Variants in CSMD1 observed in about 807,000 individuals in gnomAD.
CSMD1 encodes the protein CUB and sushi domain-containing protein 1.
A neutral mutation model predicts 417.5 loss-of-function variants in CSMD1; 213 were observed. The observed-to-expected ratio is 0.51, with a 90% CI of 0.46 to 0.57. CSMD1 has a LOEUF of 0.57. Ranked by LOEUF, CSMD1 falls within the 20% of genes least tolerant of loss-of-function variation. The pLI, the probability that CSMD1 is intolerant of heterozygous loss-of-function variation, is 0.00. For synonymous variants in CSMD1, 2,862 were observed against 1,736.8 expected (o/e 1.65, Z -16.11); for missense variants, 6,923 against 4,529.7 (o/e 1.53, Z -15.17).
intron 50 of CSMD1, among the ~76,000 whole-genome samples, chr8:3,047,727 T>A (rs902364956): frequency 6.6e-6 from 1 of 152,226 alleles, no homozygotes; most frequent in African/African-American, 2.4e-5. Flanking sequence ...GCTCTTTATT[T>A]CAGGGTTATG....
intron 3 of CSMD1, among the ~76,000 whole-genome samples, chr8:4,361,810 C>G (rs982052233): frequency 2.0e-5 from 3 of 151,986 alleles, no homozygotes; most frequent in African/African-American, 7.3e-5. Context: ...AAAAAACTAG[C>G]CAGGCGTGGT....
chr8:4,257,573 T>G (rs1188837294), intron 3 of CSMD1, among the ~76,000 whole-genome samples: 1 of 152,214 alleles, frequency 6.6e-6, no homozygotes, highest in South Asian at 2.1e-4. Flanking sequence ...AAATAGAGAT[T>G]TATAAAATTC....
In CSMD1 at chr8:3,074,363, C is replaced by T. The variant is rs139556053; in HGVS notation, c.7474+12734G>A. Among the ~76,000 whole-genome samples, 21 of 152,310 alleles carry T rather than the reference C, an allele frequency of 1.4e-4. No homozygotes were observed. In the East Asian group the frequency reaches 2.7e-3, roughly 20 times the overall value. On this transcript the variant is annotated intron_variant, in intron 49 of 69. Transcript: ENST00000635120. The stretch of plus-strand genomic sequence containing the variant: ...AAGTGTGTCTGTGCCAACAACATAA[C>T]GCAATCACGGGAGGAGGGTCCACCG...
intron 5 of CSMD1, among the ~76,000 whole-genome samples, chr8:3,821,029 G>A (rs377009278): frequency 2.9e-4 from 44 of 152,088 alleles, no homozygotes; most frequent in South Asian, 2.1e-3. Flanking sequence ...CGATTCTCCC[G>A]CCTCAGCCTC....
At chr8:3,319,695 T>G (rs1428017429) in intron 23 of CSMD1, among the ~76,000 whole-genome samples, 1 of 152,164 alleles carries the variant, frequency 6.6e-6, no homozygotes, top group Non-Finnish European at 1.5e-5. Flanking sequence ...TTTGCCTGAT[T>G]GCTGAAGAAA....
intron 3 of CSMD1, among the ~76,000 whole-genome samples, chr8:4,386,953 T>A (rs1005308893): frequency 2.6e-5 from 4 of 152,202 alleles, no homozygotes; most frequent in Non-Finnish European, 5.9e-5. Context: ...AATCATGAAG[T>A]GTAATATGTT....
At chr8:3,791,689 G>C (rs1156362548) in intron 5 of CSMD1, among the ~76,000 whole-genome samples, 1 of 152,082 alleles carries the variant, frequency 6.6e-6, no homozygotes, top group African/African-American at 2.4e-5. Flanking sequence ...TGGGCACGAT[G>C]GTGGGTACCT....
chr8:3,843,289 G>C (rs191963213), intron 5 of CSMD1, among the ~76,000 whole-genome samples: 173 of 152,236 alleles, frequency 1.1e-3, no homozygotes, highest in African/African-American at 3.8e-3. Context: ...TTGTTAATGA[G>C]TTTATCTTTT....
intron 1 of CSMD1, among the ~76,000 whole-genome samples, chr8:4,663,682 C>T (rs553506498): frequency 2.6e-5 from 4 of 152,290 alleles, no homozygotes; most frequent in Admixed American, 6.5e-5. Flanking sequence ...GCCATGCTTC[C>T]GGTCCAGCCT....
At chr8:3,170,487 C>T (rs1820518851) in intron 37 of CSMD1, among the ~76,000 whole-genome samples, 1 of 152,206 alleles carries the variant, frequency 6.6e-6, no homozygotes, top group Non-Finnish European at 1.5e-5. Context: ...GGATTACAGG[C>T]GTGAGCCACC....
rs1456038008 is a variant in CSMD1, at chr8:3,098,015, A to C, written c.6950-978T>G. On this transcript the variant is annotated intron_variant, in intron 46 of 69. Coordinates refer to ENST00000635120, the MANE Select transcript of CSMD1 (RefSeq NM_033225.6). ...CTTCCAGTTTAATCAACATAAAAAC[A>C]ATCTGCAGAGATCTGGACATGCAAA... Among the ~76,000 whole-genome samples, 4 of 152,240 alleles carry C rather than the reference A, an allele frequency of 2.6e-5. No homozygotes were observed. In the South Asian group the frequency reaches 6.2e-4, roughly 24 times the overall value.
chr8:3,564,709 G>A (rs369839091), intron 10 of CSMD1, among the ~76,000 whole-genome samples: 2 of 151,658 alleles, frequency 1.3e-5, no homozygotes, highest in Admixed American at 6.6e-5. Context: ...GAGAATGTAC[G>A]TGCCCTTGTG....
chr8:3,850,643 C>T (rs1480623063), intron 5 of CSMD1, among the ~76,000 whole-genome samples: 2 of 152,088 alleles, frequency 1.3e-5, no homozygotes, highest in East Asian at 3.9e-4. Context: ...TGAGGTGAGC[C>T]AAGATCGCAC....
intron 1 of CSMD1, among the ~76,000 whole-genome samples, chr8:4,900,775 A>G (rs1804816595): frequency 1.3e-5 from 2 of 152,192 alleles, no homozygotes; most frequent in African/African-American, 4.8e-5. Context: ...CATTCTCTCA[A>G]CAGAATTCAC....
chr8:4,089,916 C>T (rs773875592), intron 3 of CSMD1, among the ~76,000 whole-genome samples: 8 of 151,926 alleles, frequency 5.3e-5, no homozygotes, highest in Non-Finnish European at 1.0e-4. Flanking sequence ...TGGAATGAAC[C>T]GAGGAAAGAA....
intron 2 of CSMD1, among the ~76,000 whole-genome samples, chr8:4,421,692 G>A (rs1030314727): frequency 6.6e-6 from 1 of 151,940 alleles, no homozygotes; most frequent in African/African-American, 2.4e-5. Flanking sequence ...AAGCAGTGCT[G>A]AGAAGGTAAT....
At chr8:2,978,930 A>G (rs578164933) in intron 54 of CSMD1, 130 bp from the exon 55 acceptor site, 1 of 762,542 alleles carries the variant, frequency 1.3e-6, no homozygotes, top group East Asian at 2.8e-5. Flanking sequence ...GCTGAGGCTC[A>G]TGAAATTCCA....
chr8:3,399,393 G>T lies in CSMD1; in HGVS notation c.2403C>A (p.Asp801Glu). Residue 801 changes from aspartate (D) to glutamate (E), a missense_variant and splice_region_variant, in exon 16 of 70, where the codon GAC (aspartate) becomes GAA (glutamate). By Grantham distance (45) the Asp-to-Glu change is conservative. Coordinates refer to ENST00000635120, the MANE Select transcript of CSMD1 (RefSeq NM_033225.6). ...ATGAAGACTAATTTTTTTCTTACCT[G>T]TCAAAAGTTATTTTGATAGAGTGGC... Reference protein sequence around the residue: ...KPGHSIKITFDRFQTEVNYDT... With the variant: ...KPGHSIKITFERFQTEVNYDT... 1 of 1,597,312 alleles carries T rather than the reference G, an allele frequency of 6.3e-7. No homozygotes were observed. The highest frequency in any genetic ancestry group is 8.5e-7 in the Non-Finnish European group (1 of 1,172,894).
At chr8:4,074,024 A>T (rs946074259) in intron 3 of CSMD1, among the ~76,000 whole-genome samples, 1 of 152,074 alleles carries the variant, frequency 6.6e-6, no homozygotes, top group African/African-American at 2.4e-5. Context: ...AAATGCATTT[A>T]TTGCTTCTGC....
Sources: allele counts gnomAD v4.1 joint callset (sites outside exome capture counted in the v4.1 genomes callset), GRCh38; gene constraint gnomAD v4.1.1; transcripts MANE v1.5; gene names NCBI Gene and HGNC (gene_info 2026-07-23, HGNC 2026-07-21).